SH3PXD2B: variants seen among roughly 807,000 people sequenced by gnomAD.
The protein encoded by SH3PXD2B is SH3 and PX domain-containing protein 2B.
A neutral mutation model predicts 73.1 loss-of-function variants in SH3PXD2B; 37 were observed. That is an observed-to-expected ratio of 0.51 (90% confidence interval 0.39 to 0.67). The LOEUF is 0.67. SH3PXD2B is among the 30% of genes least tolerant of loss of function. The pLI, the probability that SH3PXD2B is intolerant of heterozygous loss-of-function variation, is 0.00. For missense variants in SH3PXD2B, 1,053 were observed against 1,197.8 expected (o/e 0.88, Z 1.78); for synonymous variants, 457 against 480.5 (o/e 0.95, Z 0.64).
chr5:172,366,175 C>T (rs916936475), intron 6 of SH3PXD2B, among the ~76,000 whole-genome samples: 1 of 152,180 alleles, frequency 6.6e-6, no homozygotes, highest in Non-Finnish European at 1.5e-5. Flanking sequence ...CTCACAGAGC[C>T]GCAGGTTTCA....
In SH3PXD2B at chr5:172,339,962, C is replaced by T. The variant is rs373981823; in HGVS notation, c.1189-46G>A. ...AGGCACTTGGCTACGATGCCAGGGC[C>T]AGCAGATGGAATGGTTTGGCAGAAC... On this transcript the variant is annotated intron_variant, in intron 12 of 12. Transcript: ENST00000311601. The surrounding 1 kb of genome is among the most constrained non-coding windows in gnomAD (Gnocchi z 6.1). 1.2e-5 allele frequency: 19 copies of T among 1,610,938 alleles called. No homozygotes were observed. In the African/African-American group the frequency reaches 1.9e-4, roughly 16 times the overall value.
At chr5:172,415,897 G>C (rs548273512) in intron 2 of SH3PXD2B, among the ~76,000 whole-genome samples, 6 of 152,226 alleles carry the variant, frequency 3.9e-5, no homozygotes, top group Non-Finnish European at 8.8e-5. Context: ...TTCAAGCCCA[G>C]GGCTCTATCC....
At chr5:172,348,795 C>T (rs1433559740) in intron 10 of SH3PXD2B, among the ~76,000 whole-genome samples, 1 of 152,154 alleles carries the variant, frequency 6.6e-6, no homozygotes, top group Non-Finnish European at 1.5e-5. Context: ...TAGCCTCAAT[C>T]TCCTGGGTTC....
chr5:172,402,560 C>T (rs1219564758), intron 3 of SH3PXD2B, among the ~76,000 whole-genome samples: 1 of 152,168 alleles, frequency 6.6e-6, no homozygotes, highest in Non-Finnish European at 1.5e-5. Context: ...CTCCCCCAGA[C>T]ACCAGCTTTA....
chr5:172,434,053 T>C (rs988288776), intron 1 of SH3PXD2B, among the ~76,000 whole-genome samples: 3 of 151,498 alleles, frequency 2.0e-5, no homozygotes, highest in Admixed American at 6.5e-5. Context: ...TAACAATCAA[T>C]AGCAGAGTAG....
chr5:172,380,806 T>C (rs1169763069), intron 5 of SH3PXD2B, among the ~76,000 whole-genome samples: 3 of 152,210 alleles, frequency 2.0e-5, no homozygotes, highest in Non-Finnish European at 2.9e-5. Context: ...GTGCGCTCAC[T>C]ATGAGAAGCT....
chr5:172,335,829 A>T lies in SH3PXD2B; in HGVS notation c.*2540T>A. The T allele has an allele frequency of 8.1e-7, 1 of 1,228,998 alleles. No homozygotes were observed. Among genetic ancestry groups the T allele is most frequent in the Non-Finnish European group, 1.0e-6 (1 of 986,842 alleles). 76.1% of individuals were successfully genotyped at this position (1,228,998 alleles called of 1,614,324 possible). On this transcript the variant is annotated 3_prime_UTR_variant, in exon 13 of 13. Coordinates refer to ENST00000311601, the MANE Select transcript of SH3PXD2B (RefSeq NM_001017995.3). ...CATTGTAGGAAAAGGAGCTGGATAC[A>T]GACGTCCTCAGGCCATAGATATGAC...
intron 3 of SH3PXD2B, 110 bp downstream of exon 3, chr5:172,406,167 G>T: frequency 2.4e-6 from 3 of 1,229,920 alleles, no homozygotes; most frequent in South Asian, 1.3e-5. Flanking sequence ...TCTGGTCAGT[G>T]GGATGGTGTC....
At chr5:172,446,286 C>T (rs537105168) in intron 1 of SH3PXD2B, among the ~76,000 whole-genome samples, 4 of 152,176 alleles carry the variant, frequency 2.6e-5, no homozygotes, top group Non-Finnish European at 4.4e-5. Context: ...GAACCCAGGC[C>T]CTGCCTGCAG....
At position 172,335,897 on chromosome 5, in the gene SH3PXD2B, C is replaced by T. The variant is rs1410180299; in HGVS notation, c.*2472G>A. 8.2e-7 allele frequency: 1 copy of T among 1,213,402 alleles called. No individual in the cohort carries two copies. Among genetic ancestry groups the T allele is most frequent in the Non-Finnish European group, 1.0e-6 (1 of 976,948 alleles). The allele number at this position is 1,213,402 out of a possible 1,614,324, so 75.2% of individuals were successfully genotyped here. On this transcript the variant is annotated 3_prime_UTR_variant, in exon 13 of 13. Transcript: ENST00000311601. ...AACAGAGAGGACTGTGGCTTCAGTACCCGCGGGTCATGTCAGAATAATCAT... is the reference window on the plus strand; with the variant it reads ...AACAGAGAGGACTGTGGCTTCAGTATCCGCGGGTCATGTCAGAATAATCAT...
At chr5:172,446,584 C>T (rs1759667454) in intron 1 of SH3PXD2B, among the ~76,000 whole-genome samples, 1 of 152,220 alleles carries the variant, frequency 6.6e-6, no homozygotes, top group African/African-American at 2.4e-5. Flanking sequence ...GGGAACGGCA[C>T]AGTCCCTCTA....
At chr5:172,448,086 A>G (rs1759713659) in intron 1 of SH3PXD2B, among the ~76,000 whole-genome samples, 1 of 152,260 alleles carries the variant, frequency 6.6e-6, no homozygotes, top group Admixed American at 6.5e-5. Flanking sequence ...AGAGGGCCCT[A>G]ACTCTTGTGA....
At chr5:172,403,974 A>G (rs554640946) in intron 3 of SH3PXD2B, among the ~76,000 whole-genome samples, 11 of 152,328 alleles carry the variant, frequency 7.2e-5, no homozygotes, top group African/African-American at 2.4e-4. Context: ...GTCACAGGCT[A>G]GTCTGTTTGA....
intron 1 of SH3PXD2B, among the ~76,000 whole-genome samples, chr5:172,430,363 G>A (rs1160153992): frequency 2.0e-5 from 3 of 152,216 alleles, no homozygotes; most frequent in Non-Finnish European, 2.9e-5. Context: ...AGGGGTGCAG[G>A]GGGATGGCCC....
chr5:172,429,660 C>A lies in SH3PXD2B; in HGVS notation c.76-7164G>T, dbSNP rs193162425. On this transcript the variant is annotated intron_variant, in intron 1 of 12. Transcript: ENST00000311601. ...GGGGTGGGGTGTGCTGAGCCAGGAT[C>A]CTTTTGCAGGTGGGTAGATGGCTGA... Among the ~76,000 whole-genome samples the A allele has an allele frequency of 2.0e-5, 3 of 152,184 alleles. No homozygotes were observed. The East Asian group carries it at 5.8e-4, about 29-fold the overall frequency.
At chr5:172,430,939 T>G (rs1028888261) in intron 1 of SH3PXD2B, among the ~76,000 whole-genome samples, 1 of 152,076 alleles carries the variant, frequency 6.6e-6, no homozygotes, top group Admixed American at 6.5e-5. Flanking sequence ...CGATCTCGGC[T>G]CAACGCAACC....
intron 8 of SH3PXD2B, among the ~76,000 whole-genome samples, chr5:172,355,136 G>T (rs1233880961): frequency 6.6e-6 from 1 of 152,252 alleles, no homozygotes; most frequent in African/African-American, 2.4e-5. Flanking sequence ...GCCAGCTGTG[G>T]CCTGGTGTCA....
At chr5:172,404,341 T>G (rs1758504943) in intron 3 of SH3PXD2B, among the ~76,000 whole-genome samples, 1 of 152,050 alleles carries the variant, frequency 6.6e-6, no homozygotes, top group Non-Finnish European at 1.5e-5. Context: ...AGAGTTTCAC[T>G]CTTTCACCCA....
intron 9 of SH3PXD2B, among the ~76,000 whole-genome samples, chr5:172,352,602 CAT>C (rs957544440): frequency 7.2e-5 from 11 of 152,190 alleles, no homozygotes; most frequent in African/African-American, 2.7e-4. Context: ...AGAATTCCCA[CAT>C]GTTGTGGGAG....
Sources: gnomAD v4.1 joint callset for allele counts (sites outside exome capture counted in the v4.1 genomes callset) on GRCh38, gnomAD v4.1.1 for gene constraint, Gnocchi (gnomAD v3.1) non-coding constraint, MANE v1.5 for transcripts, NCBI Gene and HGNC (gene_info 2026-07-23, HGNC 2026-07-21) for gene names.